Variants in MGAT4C observed in about 807,000 individuals in gnomAD.
The protein encoded by MGAT4C is alpha-1,3-mannosyl-glycoprotein 4-beta-N-acetylglucosaminyltransferase C.
A neutral mutation model predicts 40.1 loss-of-function variants in MGAT4C; 19 were observed. The ratio of observed to expected loss-of-function variants is 0.47; its 90% CI spans 0.33 to 0.70. MGAT4C has a LOEUF of 0.70. Among genes scored for constraint, MGAT4C ranks in the 30% least tolerant of loss-of-function variants. MGAT4C has a pLI of 0.02. For synonymous variants in MGAT4C, 181 were observed against 187.1 expected, an observed-to-expected ratio of 0.97 and a Z score of 0.27; for missense variants, 491 against 563.2, an observed-to-expected ratio of 0.87 and a Z score of 1.30.
intron 2 of MGAT4C, among the ~76,000 whole-genome samples, chr12:86,508,356 A>G (rs188043955): frequency 0.012 from 1,882 of 152,082 alleles, 20 homozygotes; most frequent in East Asian, 0.044. Flanking sequence ...ATGATTTCCA[A>G]TTTCATCCAT....
At chr12:86,408,479 C>CTCTCTCTATATATATATA (rs1267344319) in intron 3 of MGAT4C, among the ~76,000 whole-genome samples, 8 of 63,340 alleles carry the variant, frequency 1.3e-4, no homozygotes, top group African/African-American at 5.5e-4. Flanking sequence ...CTCTCTCTCT[C>CTCTCTCTATATATATATA]TATATATATA....
intron 3 of MGAT4C, among the ~76,000 whole-genome samples, chr12:86,420,855 ATATATGTGTATATATATACATACATG>A (rs747057184): frequency 0.012 from 1,786 of 149,380 alleles, 12 homozygotes; most frequent in Middle Eastern, 0.029. Context: ...GTATATACAT[ATATATGTGTATATATATACATACATG>A]TATATGTGTA....
In MGAT4C at chr12:86,080,514, A is replaced by G. The variant is rs78384049; in HGVS notation, c.-56-30791T>C. On this transcript the variant is annotated intron_variant, in intron 1 of 4. Transcript: ENST00000611864. The stretch of plus-strand genomic sequence containing the variant: ...GAAGTGCTATAATAGCAACAACAGA[A>G]GGAACATAAAGTATCCTCCCAACTG... Among the ~76,000 whole-genome samples the G allele has an allele frequency of 1.4e-4, 21 of 152,310 alleles. No individual in the cohort carries two copies. In the East Asian group the frequency reaches 3.9e-3, roughly 28 times the overall value.
intron 2 of MGAT4C, among the ~76,000 whole-genome samples, chr12:86,446,874 A>G (rs1957350900): frequency 6.6e-6 from 1 of 151,488 alleles, no homozygotes; most frequent in East Asian, 1.9e-4. Context: ...TAAACATTAT[A>G]TGTAAATATA....
At chr12:86,108,892 G>A (rs1246024865) in intron 1 of MGAT4C, among the ~76,000 whole-genome samples, 2 of 151,988 alleles carry the variant, frequency 1.3e-5, no homozygotes, top group African/African-American at 2.4e-5. Flanking sequence ...GGTCTTCACC[G>A]GAGACACACT....
intron 2 of MGAT4C, among the ~76,000 whole-genome samples, chr12:86,578,953 A>T (rs1403279407): frequency 1.3e-5 from 2 of 151,112 alleles, no homozygotes; most frequent in Non-Finnish European, 3.0e-5. Context: ...TTGTTTTGAA[A>T]TCTATTTTTT....
intron 2 of MGAT4C, among the ~76,000 whole-genome samples, chr12:86,526,829 C>T (rs916254767): frequency 6.6e-6 from 1 of 152,198 alleles, no homozygotes; most frequent in Non-Finnish European, 1.5e-5. Context: ...CTCTAAGCAG[C>T]TCTCCCTGCC....
rs371284299 is a variant in MGAT4C at position 86,212,875 on chromosome 12, G to A, written c.-57+43364C>T. Among the ~76,000 whole-genome samples the A allele has an allele frequency of 3.3e-3, 150 of 46,080 alleles. 15 individuals are homozygous for A. The highest frequency in any genetic ancestry group is 0.01 in the African/African-American group (143 of 14,148). The allele number at this position is 46,080 out of a possible 152,430, so 30.2% of individuals were successfully genotyped here. On this transcript the variant is annotated intron_variant, in intron 1 of 4. Transcript: ENST00000611864. ...CAGCTGCACTCCAGCCTGGGCGACAGAGCGAGACTCCGTCTCAAAAAAAAA... is the reference window on the plus strand; with the variant it reads ...CAGCTGCACTCCAGCCTGGGCGACAAAGCGAGACTCCGTCTCAAAAAAAAA...
intron 3 of MGAT4C, among the ~76,000 whole-genome samples, chr12:86,427,204 A>G (rs1002613810): frequency 6.6e-6 from 1 of 152,090 alleles, no homozygotes; most frequent in Non-Finnish European, 1.5e-5. Context: ...GGCAGCTTTG[A>G]TGCTTCCATT....
chr12:86,471,780 A>T (rs770343905), intron 2 of MGAT4C, among the ~76,000 whole-genome samples: 10 of 152,086 alleles, frequency 6.6e-5, no homozygotes, highest in Non-Finnish European at 1.0e-4. Context: ...GAACAAATAG[A>T]ATACTGCCTT....
intron 2 of MGAT4C, among the ~76,000 whole-genome samples, chr12:86,587,675 G>C (rs1961116839): frequency 1.3e-5 from 2 of 152,084 alleles, no homozygotes; most frequent in Non-Finnish European, 2.9e-5. Flanking sequence ...TCCCTTGTAA[G>C]GTGGATTCCT....
At chr12:86,657,726 G>T (rs1054260548) in intron 2 of MGAT4C, among the ~76,000 whole-genome samples, 2 of 151,800 alleles carry the variant, frequency 1.3e-5, no homozygotes, top group Admixed American at 6.6e-5. Context: ...TATGCTGGAG[G>T]ATTTTATTAA....
intron 1 of MGAT4C, among the ~76,000 whole-genome samples, chr12:86,774,281 CTCTTTCTTTCTTTCTTTCTTTCTT>C (rs6144795): frequency 1.7e-5 from 1 of 58,932 alleles, no homozygotes; most frequent in Non-Finnish European, 3.5e-5. Context: ...CTAAGGCTTG[CTCTTTCTTTCTTTCTTTCTTTCTT>C]TCTTTCTTTC....
At chr12:86,456,380 C>T (rs1367258482) in intron 2 of MGAT4C, among the ~76,000 whole-genome samples, 1 of 152,042 alleles carries the variant, frequency 6.6e-6, no homozygotes, top group Non-Finnish European at 1.5e-5. Context: ...AAATAAACTA[C>T]AGTCATGTGG....
intron 1 of MGAT4C, among the ~76,000 whole-genome samples, chr12:86,829,803 T>G (rs1365194122): frequency 8.6e-5 from 13 of 150,544 alleles, no homozygotes; most frequent in African/African-American, 3.2e-4. Flanking sequence ...GAAAAGACCT[T>G]AAGGTAACAT....
intron 1 of MGAT4C, among the ~76,000 whole-genome samples, chr12:86,208,919 C>T (rs890218311): frequency 4.6e-5 from 7 of 152,078 alleles, no homozygotes; most frequent in Admixed American, 2.0e-4. Context: ...CCTATACATT[C>T]GCTACTTACT....
In MGAT4C at chr12:86,501,066, G is replaced by A. The variant is rs148809015; in HGVS notation, c.-228-65801C>T. Among the ~76,000 whole-genome samples the A allele has an allele frequency of 4.6e-5, 7 of 152,112 alleles. No individual in the cohort carries two copies. The East Asian group carries it at 5.8e-4, about 13-fold the overall frequency. ...AGGCATATACATTCTCCAGATTTAT[G>A]AGCAAGCTTCCACACAGAAAGAAGA... On this transcript the variant is annotated intron_variant, in intron 2 of 7. Transcript: ENST00000548651.
intron 1 of MGAT4C, among the ~76,000 whole-genome samples, chr12:86,178,147 A>G (rs993001128): frequency 5.3e-5 from 8 of 152,186 alleles, no homozygotes; most frequent in East Asian, 1.9e-4. Context: ...CGTGTTAGCC[A>G]GGATGGTCTT....
At chr12:86,662,364 T>C (rs1963999954) in intron 2 of MGAT4C, among the ~76,000 whole-genome samples, 2 of 152,226 alleles carry the variant, frequency 1.3e-5, no homozygotes, top group Non-Finnish European at 2.9e-5. Flanking sequence ...CATATGTGTT[T>C]ATTATCTATT....
Sources: gnomAD v4.1 joint callset for allele counts (sites outside exome capture counted in the v4.1 genomes callset) on GRCh38, gnomAD v4.1.1 for gene constraint, MANE v1.5 for transcripts, NCBI Gene and HGNC (gene_info 2026-07-23, HGNC 2026-07-21) for gene names.